The following TMEM120B variants were observed in gnomAD, a reference collection of about 807,000 sequenced individuals.
TMEM120B encodes the protein transmembrane protein 120B.
A neutral mutation model predicts 55.5 loss-of-function variants in TMEM120B; 31 were observed. The observed-to-expected ratio is 0.56, with a 90% CI of 0.42 to 0.75. The LOEUF (loss-of-function observed/expected upper bound fraction) is 0.75. Ranked by LOEUF, TMEM120B falls within the 30% of genes least tolerant of loss-of-function variation. TMEM120B has a pLI of 0.00. For missense variants in TMEM120B, 399 were observed against 425.5 expected, an observed-to-expected ratio of 0.94 and a Z score of 0.55; for synonymous variants, 203 against 176.3, an observed-to-expected ratio of 1.15 and a Z score of -1.20.
intron 10 of TMEM120B, 143 bp downstream of exon 10, chr12:121,774,865 G>T: frequency 8.2e-7 from 1 of 1,214,150 alleles, no homozygotes; most frequent in East Asian, 2.6e-5. Context: ...TCTGGGCCCA[G>T]GGATGCCAAG....
chr12:121,750,044 C>A (rs1434266244), intron 3 of TMEM120B, among the ~76,000 whole-genome samples: 3 of 151,772 alleles, frequency 2.0e-5, no homozygotes, highest in African/African-American at 4.8e-5. Context: ...AAAGAAAATT[C>A]TTTAAAAATT....
intron 1 of TMEM120B, among the ~76,000 whole-genome samples, chr12:121,727,536 C>CAAAAAAA (rs758470408): frequency 2.8e-5 from 1 of 35,860 alleles, no homozygotes; most frequent in Non-Finnish European, 5.4e-5. Context: ...GACCCTGTCT[C>CAAAAAAA]AAAAAAAAAA....
At chr12:121,713,824 G>A (rs958539167) in intron 1 of TMEM120B, among the ~76,000 whole-genome samples, 1 of 152,170 alleles carries the variant, frequency 6.6e-6, no homozygotes, top group Non-Finnish European at 1.5e-5. Flanking sequence ...TGAAGACAGG[G>A]CTGTTCCCTC....
At chr12:121,727,238 A>G (rs888538083) in intron 1 of TMEM120B, among the ~76,000 whole-genome samples, 3 of 151,478 alleles carry the variant, frequency 2.0e-5, no homozygotes, top group Non-Finnish European at 2.9e-5. Context: ...CTGGTTTTTC[A>G]CATCTTTAGG....
chr12:121,715,872 CTG>C (rs1894691076), intron 1 of TMEM120B, among the ~76,000 whole-genome samples: 1 of 151,858 alleles, frequency 6.6e-6, no homozygotes, highest in South Asian at 2.1e-4. Context: ...AGGCCCCTCT[CTG>C]CCTTCTCACG....
intron 1 of TMEM120B, among the ~76,000 whole-genome samples, chr12:121,740,902 AT>A (rs1252290433): frequency 6.6e-6 from 1 of 152,088 alleles, no homozygotes; most frequent in Non-Finnish European, 1.5e-5. Context: ...AATAGTAAAA[AT>A]TTTGAGCTTT....
intron 1 of TMEM120B, among the ~76,000 whole-genome samples, chr12:121,718,919 G>A (rs1429284526): frequency 6.6e-6 from 1 of 152,152 alleles, no homozygotes; most frequent in Non-Finnish European, 1.5e-5. Flanking sequence ...CTCTGTGTCA[G>A]CATTATTCTC....
Position 121,750,387 on chromosome 12 carries a change from T to C in TMEM120B, c.313T>C (p.Leu105=). The part of the protein sequence containing the change: ...AYLPKKNGLY[L]NLVLGNVNVT... ...ACAGGTGTTTCCTTCCAGGCTCTAC[T>C]TGAACCTGGTCCTCGGCAATGTGAA... Residue 105 remains leucine, a synonymous_variant, in exon 4 of 12, where the codon TTG becomes CTG. Coordinates refer to ENST00000449592, the MANE Select transcript of TMEM120B (RefSeq NM_001080825.2). The C allele has an allele frequency of 6.2e-7, 1 of 1,612,468 alleles. No homozygotes were observed. Among genetic ancestry groups the C allele is most frequent in the Non-Finnish European group, 8.5e-7 (1 of 1,179,134 alleles).
chr12:121,748,370 A>G lies in TMEM120B; in HGVS notation c.233A>G (p.Gln78Arg). Residue 78 changes from glutamine (Q) to arginine (R), a missense_variant, in exon 3 of 12, where the codon CAG (glutamine) becomes CGG (arginine). Around this residue, in one of 3 missense-constraint regions of TMEM120B, gnomAD observed 133 missense variants for 104.1 expected, o/e 1.28. Coordinates refer to ENST00000449592, the MANE Select transcript of TMEM120B (RefSeq NM_001080825.2). ...CGGGAGGAGGCGGAGCTCGTTCAGC[A>G]GATGGCAGCGAACATCAAGGAGCGG... ...ASREEAELVQ[Q>R]MAANIKERQD... 1 of 1,611,132 alleles carries G rather than the reference A, an allele frequency of 6.2e-7. No homozygotes were observed. The highest frequency in any genetic ancestry group is 1.1e-5 in the South Asian group (1 of 91,056).
At chr12:121,773,639 G>A (rs1382266774) in intron 9 of TMEM120B, 126 bp downstream of exon 9, 63 of 678,554 alleles carry the variant, frequency 9.3e-5, no homozygotes, top group Non-Finnish European at 1.3e-4. Flanking sequence ...TATCCGAAGC[G>A]CCTTCCAGAA....
intron 1 of TMEM120B, among the ~76,000 whole-genome samples, chr12:121,724,472 C>T (rs192215172): frequency 4.9e-4 from 75 of 151,964 alleles, no homozygotes; most frequent in African/African-American, 1.7e-3. Flanking sequence ...GCCACTGCAC[C>T]TGGCTGTACT....
rs1894622365 is a variant in TMEM120B, at chr12:121,712,763, T to C, written c.-133T>C. On this transcript the variant is annotated 5_prime_UTR_variant, in exon 1 of 12. Coordinates refer to ENST00000449592, the MANE Select transcript of TMEM120B (RefSeq NM_001080825.2). ...GGGGCCGTGACGTCAGTTGCGCGCG[T>C]GGCTCTGGCTGCGCAGGAACAGCTG... The C allele has an allele frequency of 4.0e-6, 2 of 505,858 alleles. No individual in the cohort carries two copies. 31.3% of individuals were successfully genotyped at this position (505,858 alleles called of 1,614,324 possible). A position where few individuals can be genotyped will look rare whatever the true frequency, so the allele number is the denominator to read the frequency against.
intron 1 of TMEM120B, among the ~76,000 whole-genome samples, chr12:121,729,854 A>G (rs935841265): frequency 2.6e-5 from 4 of 152,192 alleles, no homozygotes; most frequent in African/African-American, 9.7e-5. Context: ...TGCTCACGGC[A>G]GCACTATTCA....
intron 1 of TMEM120B, among the ~76,000 whole-genome samples, chr12:121,714,806 T>G (rs1315452668): frequency 6.8e-6 from 1 of 147,300 alleles, no homozygotes; most frequent in Admixed American, 6.8e-5. Flanking sequence ...GTGATCTGCC[T>G]GCCTCGGCCT....
At chr12:121,744,202 G>A (rs991827893) in intron 2 of TMEM120B, among the ~76,000 whole-genome samples, 3 of 152,094 alleles carry the variant, frequency 2.0e-5, no homozygotes, top group Admixed American at 6.6e-5. Flanking sequence ...GTGATTACAG[G>A]CATGAGCCAC....
In TMEM120B at chr12:121,742,420, T is replaced by G. The variant is rs79823142; in HGVS notation, c.70-1209T>G. Among the ~76,000 whole-genome samples, 3 of 152,136 alleles carry G rather than the reference T, an allele frequency of 2.0e-5. No individual in the cohort carries two copies. The East Asian group carries it at 5.8e-4, about 29-fold the overall frequency. ...CTAATAAATCCATCTCTTCAACTGC[T>G]AAAAACAAAACAAAACAAAAAAAAT... On this transcript the variant is annotated intron_variant, in intron 1 of 11. Transcript: ENST00000449592.
chr12:121,734,774 G>A (rs563171026), intron 1 of TMEM120B, among the ~76,000 whole-genome samples: 2 of 151,978 alleles, frequency 1.3e-5, no homozygotes, highest in Middle Eastern at 3.4e-3. Context: ...TTAGCTGGGC[G>A]TGATGGCAGG....
intron 1 of TMEM120B, among the ~76,000 whole-genome samples, chr12:121,741,891 T>C (rs1393038809): frequency 6.6e-6 from 1 of 152,062 alleles, no homozygotes; most frequent in African/African-American, 2.4e-5. Context: ...AGTCACCCTT[T>C]CATCTTCCTA....
intron 6 of TMEM120B, among the ~76,000 whole-genome samples, chr12:121,768,813 G>C (rs541862093): frequency 2.0e-5 from 3 of 146,402 alleles, no homozygotes; most frequent in African/African-American, 7.3e-5. Context: ...TGCTGGGGGT[G>C]GGGGGTGACA....
Sources: allele counts gnomAD v4.1 joint callset (sites outside exome capture counted in the v4.1 genomes callset), GRCh38; gene constraint gnomAD v4.1.1; regional missense constraint gnomAD v4.1.1; transcripts MANE v1.5; gene names NCBI Gene and HGNC (gene_info 2026-07-23, HGNC 2026-07-21).